The following ATP6V1H variants were observed in gnomAD, a reference collection of about 807,000 sequenced individuals.
The protein encoded by ATP6V1H is V-type proton ATPase subunit H.
A neutral mutation model predicts 71.7 loss-of-function variants in ATP6V1H; 39 were observed. The observed-to-expected ratio is 0.54, with a 90% CI of 0.42 to 0.71. The LOEUF is 0.71. Ranked by LOEUF, ATP6V1H falls within the 30% of genes least tolerant of loss-of-function variation. ATP6V1H has a pLI of 0.00. For synonymous variants in ATP6V1H, 192 were observed against 199.3 expected (o/e 0.96, Z 0.31); for missense variants, 509 against 594.9 (o/e 0.86, Z 1.50).
At chr8:53,771,942 C>CT (rs1808673736) in intron 10 of ATP6V1H, 47 bp downstream of exon 10, 1 of 1,548,688 alleles carries the variant, frequency 6.5e-7, no homozygotes. Context: ...GCAAGTCAAA[C>CT]AAAGCCCAAC....
At chr8:53,738,637 A>G (rs902890711) in intron 13 of ATP6V1H, among the ~76,000 whole-genome samples, 5 of 152,230 alleles carry the variant, frequency 3.3e-5, no homozygotes, top group Non-Finnish European at 7.3e-5. Flanking sequence ...GTTTAATTAT[A>G]AAGTCCACAG....
chr8:53,718,201 T>G (rs1445232231), intron 13 of ATP6V1H, among the ~76,000 whole-genome samples: 1 of 152,182 alleles, frequency 6.6e-6, no homozygotes, highest in African/African-American at 2.4e-5. Flanking sequence ...ATAATTGATT[T>G]CTTCACAAAA....
intron 9 of ATP6V1H, among the ~76,000 whole-genome samples, chr8:53,794,969 TAGAG>T (rs1476046283): frequency 6.6e-6 from 1 of 152,182 alleles, no homozygotes; most frequent in African/African-American, 2.4e-5. Context: ...ATAGCATTCT[TAGAG>T]AGATTACTTC....
At chr8:53,795,215 A>G (rs1462279637) in intron 9 of ATP6V1H, among the ~76,000 whole-genome samples, 1 of 152,254 alleles carries the variant, frequency 6.6e-6, no homozygotes, top group Non-Finnish European at 1.5e-5. Flanking sequence ...TCCTAATAGG[A>G]TAACTTTACT....
intron 4 of ATP6V1H, among the ~76,000 whole-genome samples, chr8:53,828,285 G>C (rs1158350052): frequency 6.6e-6 from 1 of 152,196 alleles, no homozygotes; most frequent in Non-Finnish European, 1.5e-5. Flanking sequence ...CTGAGGATAA[G>C]AGGAACTCAC....
chr8:53,787,265 G>C (rs1429607328), intron 9 of ATP6V1H, among the ~76,000 whole-genome samples: 2 of 152,210 alleles, frequency 1.3e-5, no homozygotes, highest in Non-Finnish European at 2.9e-5. Flanking sequence ...GTTAGGCAAA[G>C]ACGTTGAGGC....
At chr8:53,823,630 C>T (rs916943227) in intron 4 of ATP6V1H, among the ~76,000 whole-genome samples, 3 of 152,192 alleles carry the variant, frequency 2.0e-5, no homozygotes, top group Non-Finnish European at 2.9e-5. Context: ...GCATGCGCCA[C>T]CACACCTGGC....
At chr8:53,745,346 T>A (rs1473696522) in intron 12 of ATP6V1H, among the ~76,000 whole-genome samples, 1 of 152,048 alleles carries the variant, frequency 6.6e-6, no homozygotes, top group Non-Finnish European at 1.5e-5. Context: ...TACAGTGAGC[T>A]ATGATTGCAC....
chr8:53,803,025 G>A (rs1451885853), intron 7 of ATP6V1H, among the ~76,000 whole-genome samples: 1 of 152,154 alleles, frequency 6.6e-6, no homozygotes, highest in Non-Finnish European at 1.5e-5. Context: ...TGTACAATAA[G>A]CCTTAAGACT....
chr8:53,729,665 T>C (rs1806950249), intron 13 of ATP6V1H, among the ~76,000 whole-genome samples: 1 of 152,182 alleles, frequency 6.6e-6, no homozygotes, highest in East Asian at 1.9e-4. Flanking sequence ...TATCTGGGGA[T>C]ATTACATTCC....
intron 13 of ATP6V1H, among the ~76,000 whole-genome samples, chr8:53,730,640 T>C (rs1357347540): frequency 6.6e-6 from 1 of 152,168 alleles, no homozygotes; most frequent in Non-Finnish European, 1.5e-5. Context: ...TCATAATGTC[T>C]GCCACTTATT....
chr8:53,741,000 T>C (rs964096191), intron 13 of ATP6V1H, among the ~76,000 whole-genome samples: 1 of 152,146 alleles, frequency 6.6e-6, no homozygotes, highest in South Asian at 2.1e-4. Context: ...AGCTTCTCCA[T>C]TAAATGCAAA....
At chr8:53,814,825 A>G (rs1008040384) in intron 5 of ATP6V1H, 59 bp from the exon 6 acceptor site, 28 of 1,173,834 alleles carry the variant, frequency 2.4e-5, no homozygotes, top group Non-Finnish European at 3.2e-5. Context: ...CACATCATAT[A>G]CCTTAAAAAA....
chr8:53,715,950 G>C lies in ATP6V1H; in HGVS notation c.*14C>G. 6.2e-7 allele frequency: 1 copy of C among 1,607,582 alleles called. No individual in the cohort carries two copies. Among genetic ancestry groups the C allele is most frequent in the Non-Finnish European group, 8.5e-7 (1 of 1,177,304 alleles). On this transcript the variant is annotated 3_prime_UTR_variant, in exon 14 of 14. Transcript: ENST00000359530. ...GGTTCTGCATTGAGGCGGAGGGGAAGGCCAGAGGCAGGCTTAGCTTCGGGC... is the reference window on the plus strand; with the variant it reads ...GGTTCTGCATTGAGGCGGAGGGGAACGCCAGAGGCAGGCTTAGCTTCGGGC...
chr8:53,816,859 C>A (rs1380583739), intron 5 of ATP6V1H, among the ~76,000 whole-genome samples: 5 of 151,922 alleles, frequency 3.3e-5, no homozygotes, highest in African/African-American at 1.2e-4. Context: ...AAAATAAAAA[C>A]GAAACACAGT....
chr8:53,756,646 T>C lies in ATP6V1H; in HGVS notation c.1186A>G (p.Lys396Glu). 6.2e-7 allele frequency: 1 copy of C among 1,613,264 alleles called. No individual in the cohort carries two copies. Among genetic ancestry groups the C allele is most frequent in the Non-Finnish European group, 8.5e-7 (1 of 1,179,356 alleles). Residue 396 changes from lysine to glutamate, a missense_variant, in exon 12 of 14, where the codon AAA becomes GAA. Around this residue, in one of 2 missense-constraint regions of ATP6V1H, gnomAD observed 212 missense variants for 291.6 expected, o/e 0.73. Transcript: ENST00000359530. ...KNYELLKILTKLLEVSDDPQV... is the reference protein window; with the variant it reads ...KNYELLKILTELLEVSDDPQV... ...GGATCATCTGACACTTCCAAAAGTT[T>C]TGTCAAGATTCTGAAATAAATTTTA...
At chr8:53,767,802 A>G (rs1031579069) in intron 11 of ATP6V1H, among the ~76,000 whole-genome samples, 3 of 152,228 alleles carry the variant, frequency 2.0e-5, no homozygotes, top group Non-Finnish European at 4.4e-5. Context: ...TTCATACCAT[A>G]TACAAAAATT....
chr8:53,753,200 T>C (rs147225745), intron 12 of ATP6V1H, among the ~76,000 whole-genome samples: 45 of 152,112 alleles, frequency 3.0e-4, no homozygotes, highest in African/African-American at 1.0e-3. Context: ...GTTATGCTGG[T>C]GAGAGGCTTC....
chr8:53,831,511 A>C (rs1399484340), intron 3 of ATP6V1H, among the ~76,000 whole-genome samples: 1 of 152,258 alleles, frequency 6.6e-6, no homozygotes, highest in Non-Finnish European at 1.5e-5. Context: ...ATATGGATAC[A>C]AAAGGTGCCA....
Sources: allele counts gnomAD v4.1 joint callset (sites outside exome capture counted in the v4.1 genomes callset), GRCh38; gene constraint gnomAD v4.1.1; regional missense constraint gnomAD v4.1.1; transcripts MANE v1.5; gene names NCBI Gene and HGNC (gene_info 2026-07-23, HGNC 2026-07-21).